CLC: variants seen among roughly 807,000 people sequenced by gnomAD.
The protein encoded by CLC is galectin-10.
Under a neutral mutation model 13.9 loss-of-function variants are expected in CLC, and 15 were observed. The observed-to-expected ratio is 1.08, with a 90% confidence interval of 0.72 to 1.66. The LOEUF (loss-of-function observed/expected upper bound fraction) is 1.66, where lower values mean the gene tolerates loss of function less well. Ranked by LOEUF, CLC falls within the 40% of genes most tolerant of loss-of-function variation. CLC has a pLI of 0.00. For synonymous variants in CLC, 68 were observed against 59.9 expected, an observed-to-expected ratio of 1.14 and a Z score of -0.63; for missense variants, 161 against 169.1, an observed-to-expected ratio of 0.95 and a Z score of 0.27.
Position 39,734,285 on chromosome 19 carries a change from G to C in CLC, c.301C>G (p.Gln101Glu), listed in dbSNP as rs773634243. 20 of 1,613,170 alleles carry C rather than the reference G, an allele frequency of 1.2e-5. No homozygotes were observed. The highest frequency in any genetic ancestry group is 1.6e-5 in the Non-Finnish European group (19 of 1,179,884). The change falls in exon 3 of 4, where the codon CAG becomes GAG. Residue 101 changes from glutamine (Q) to glutamate (E), a missense_variant and splice_region_variant. By Grantham distance (29) the Gln-to-Glu change is conservative. Coordinates refer to ENST00000221804, the MANE Select transcript of CLC (RefSeq NM_001828.6). ...CGGGGAGCTCCTGGGGTGCTCACCTGGTACTTATCTGGCAGCACTGAGATG... is the reference window on the plus strand; with the variant it reads ...CGGGGAGCTCCTGGGGTGCTCACCTCGTACTTATCTGGCAGCACTGAGATG... Reference protein sequence around the residue: ...LSISVLPDKYQVMVNGQSSYT... With the variant: ...LSISVLPDKYEVMVNGQSSYT...
Position 39,731,329 on chromosome 19 carries a change from G to T in CLC, c.*51C>A. On this transcript the variant is annotated 3_prime_UTR_variant, in exon 4 of 4. Transcript: ENST00000221804. ...AAGATCATGCTGTTAGCTGGCTTTGGAATCCCAAGTTCACGTAGAGACAGG... is the reference window on the plus strand; with the variant it reads ...AAGATCATGCTGTTAGCTGGCTTTGTAATCCCAAGTTCACGTAGAGACAGG... The T allele has an allele frequency of 6.3e-7, 1 of 1,594,878 alleles. No individual in the cohort carries two copies. Among genetic ancestry groups the T allele is most frequent in the Non-Finnish European group, 8.6e-7 (1 of 1,165,220 alleles).
intron 3 of CLC, chr19:39,733,945 T>C: frequency 1.0e-6 from 1 of 984,964 alleles, no homozygotes; most frequent in Non-Finnish European, 1.2e-6. Context: ...TAGAGGATAT[T>C]CTCCATTTGG....
Position 39,731,264 on chromosome 19 carries a change from A to G in CLC, c.*116T>C. ...CAAGAACCAAATTCTGTGAAGTTTG[A>G]TTAAGTTTTAATGAGCAGGAGTAAG... is the stretch of plus-strand genomic sequence containing the variant. On this transcript the variant is annotated 3_prime_UTR_variant, in exon 4 of 4. Transcript: ENST00000221804. 1 of 1,173,262 alleles carries G rather than the reference A, an allele frequency of 8.5e-7. No individual in the cohort carries two copies. 72.7% of individuals were successfully genotyped at this position (1,173,262 alleles called of 1,614,324 possible).
Position 39,731,489 on chromosome 19 carries a change from T to G in CLC, c.320A>C (p.Gln107Pro). 6.2e-7 allele frequency: 1 copy of G among 1,611,094 alleles called. No individual in the cohort carries two copies. The highest frequency in any genetic ancestry group is 8.5e-7 in the Non-Finnish European group (1 of 1,177,836). Reference protein sequence around the residue: ...PDKYQVMVNGQSSYTFDHRIK... With the variant: ...PDKYQVMVNGPSSYTFDHRIK... Reference sequence around the variant, plus strand: ...TCTATGGTCAAAGGTGTAAGAGGATTGGCCATTGACCATTACCTACAGAAG... The same window carrying G: ...TCTATGGTCAAAGGTGTAAGAGGATGGGCCATTGACCATTACCTACAGAAG... The change falls in exon 4 of 4, where the codon CAA becomes CCA. Residue 107 changes from glutamine (Q) to proline (P), a missense_variant. Coordinates refer to ENST00000221804, the MANE Select transcript of CLC (RefSeq NM_001828.6).
chr19:39,734,292 A>T lies in CLC; in HGVS notation c.294T>A (p.Asp98Glu), dbSNP rs1425303168. The T allele has an allele frequency of 6.2e-7, 1 of 1,613,700 alleles. No individual in the cohort carries two copies. The highest frequency in any genetic ancestry group is 8.5e-7 in the Non-Finnish European group (1 of 1,179,932). The change falls in exon 3 of 4, where the codon GAT becomes GAA. Residue 98 changes from aspartate to glutamate, a missense_variant. Physicochemically the swap from Asp to Glu is conservative, Grantham distance 45. Transcript: ENST00000221804. The part of the protein sequence containing the change: ...EFELSISVLP[D>E]KYQVMVNGQS... ...CTCCTGGGGTGCTCACCTGGTACTTATCTGGCAGCACTGAGATGCTCAGTT... is the reference window on the plus strand; with the variant it reads ...CTCCTGGGGTGCTCACCTGGTACTTTTCTGGCAGCACTGAGATGCTCAGTT...
chr19:39,736,191 C>CG (rs1967306165), intron 1 of CLC, among the ~76,000 whole-genome samples: 2 of 128,510 alleles, frequency 1.6e-5, no homozygotes, highest in Non-Finnish European at 3.2e-5. Flanking sequence ...ATTTTAACCA[C>CG]CAAAAAAAAA....
chr19:39,736,792 A>T (rs1000900444), intron 1 of CLC, among the ~76,000 whole-genome samples: 1 of 147,538 alleles, frequency 6.8e-6, no homozygotes, highest in Non-Finnish European at 1.5e-5. Context: ...AAAAAAAAAA[A>T]TTACTGCAGG....
intron 3 of CLC, among the ~76,000 whole-genome samples, chr19:39,733,551 AG>A (rs1967259379): frequency 6.6e-6 from 1 of 152,228 alleles, no homozygotes; most frequent in South Asian, 2.1e-4. Flanking sequence ...GCTCTTGTAA[AG>A]GGTCAAGTAC....
Position 39,731,968 on chromosome 19 carries a change from C to G in CLC, c.304-463G>C, listed in dbSNP as rs75339357. ...GAATTGCTCATATTTGAGCTAGTGG[C>G]GGCAAGGAATGTAACTCAAGTGTTC... On this transcript the variant is annotated intron_variant, in intron 3 of 3. Transcript: ENST00000221804. 2.5e-3 allele frequency among the ~76,000 whole-genome samples: 374 copies of G among 152,112 alleles called. 1 individual carries two copies. Among genetic ancestry groups the G allele is most frequent in the African/African-American group, 8.1e-3 (336 of 41,490 alleles).
rs1465034709 is a variant in CLC, at chr19:39,734,420, C to T, written c.166G>A (p.Val56Met). 6.2e-7 allele frequency: 1 copy of T among 1,614,164 alleles called. No individual in the cohort carries two copies. Among genetic ancestry groups the T allele is most frequent in the Admixed American group, 1.7e-5 (1 of 60,024 alleles). Residue 56 changes from valine to methionine, a missense_variant, in exon 3 of 4, where the codon GTG becomes ATG. By Grantham distance (21) the Val-to-Met change is conservative. Coordinates refer to ENST00000221804, the MANE Select transcript of CLC (RefSeq NM_001828.6). ...ATGACCACACGACGACCAAAGCACA[C>T]TTGGAAATGGAAGACAATGTCTGAT... ...EESDIVFHFQ[V>M]CFGRRVVMNS...
In CLC at chr19:39,734,450, C is replaced by T; in HGVS notation, c.136G>A (p.Glu46Lys). The change falls in exon 3 of 4, where the codon GAG becomes AAG. Residue 46 changes from glutamate (E) to lysine (K), a missense_variant. Glu to Lys is a moderately conservative substitution (Grantham distance 56, BLOSUM62 1). Coordinates refer to ENST00000221804, the MANE Select transcript of CLC (RefSeq NM_001828.6). ...AAATGGAAGACAATGTCTGATTCCT[C>T]CTTCATCTCAGTGTGGAAATCCACC... Reference protein sequence around the residue: ...LQVDFHTEMKEESDIVFHFQV... With the variant: ...LQVDFHTEMKKESDIVFHFQV... 1.2e-6 allele frequency: 2 copies of T among 1,614,174 alleles called. No homozygotes were observed. Among genetic ancestry groups the T allele is most frequent in the Non-Finnish European group, 1.7e-6 (2 of 1,180,000 alleles).
intron 3 of CLC, among the ~76,000 whole-genome samples, chr19:39,732,317 T>G (rs1967238972): frequency 9.2e-6 from 1 of 108,584 alleles, no homozygotes; most frequent in Admixed American, 8.5e-5. Flanking sequence ...CACCTATGAG[T>G]GAGAATATGC....
intron 1 of CLC, among the ~76,000 whole-genome samples, 173 bp downstream of exon 1, chr19:39,737,765 C>A (rs907206896): frequency 6.6e-6 from 1 of 152,108 alleles, no homozygotes; most frequent in Non-Finnish European, 1.5e-5. Flanking sequence ...CCCCCTACCC[C>A]CCTACCCCAG....
chr19:39,737,885 T>C (rs1197245917), intron 1 of CLC, 53 bp downstream of exon 1: 1 of 1,569,776 alleles, frequency 6.4e-7, no homozygotes, highest in African/African-American at 1.4e-5. Context: ...AATCTCCCTC[T>C]TCCCTTTTCT....
At chr19:39,732,841 T>C (rs1423550984) in intron 3 of CLC, among the ~76,000 whole-genome samples, 1 of 149,668 alleles carries the variant, frequency 6.7e-6, no homozygotes, top group African/African-American at 2.5e-5. Flanking sequence ...AACCTAGGCA[T>C]TACCATTCAG....
chr19:39,733,330 A>T (rs1453048652), intron 3 of CLC, among the ~76,000 whole-genome samples: 1 of 152,204 alleles, frequency 6.6e-6, no homozygotes, highest in African/African-American at 2.4e-5. Context: ...AGAAACTTTG[A>T]TCACATTCTT....
chr19:39,737,216 C>T (rs1181985658), intron 1 of CLC, among the ~76,000 whole-genome samples: 1 of 151,536 alleles, frequency 6.6e-6, no homozygotes, highest in Non-Finnish European at 1.5e-5. Flanking sequence ...GAACCATCAG[C>T]CCCATCGTCT....
At chr19:39,735,252 C>G (rs1967291606) in intron 1 of CLC, among the ~76,000 whole-genome samples, 179 bp from the exon 2 acceptor site, 1 of 152,158 alleles carries the variant, frequency 6.6e-6, no homozygotes. Context: ...TGGTTAAGAG[C>G]AGAGCTTCAG....
At chr19:39,734,069 G>A in intron 3 of CLC, 1 of 985,358 alleles carries the variant, frequency 1.0e-6, no homozygotes. Context: ...TTGAATGAGA[G>A]AGGGAAATGA....
Sources: allele counts gnomAD v4.1 joint callset (sites outside exome capture counted in the v4.1 genomes callset), GRCh38; gene constraint gnomAD v4.1.1; transcripts MANE v1.5; gene names NCBI Gene and HGNC (gene_info 2026-07-23, HGNC 2026-07-21).